Variants in PIK3C2G observed in about 807,000 individuals in gnomAD.
PIK3C2G encodes phosphatidylinositol-4-phosphate 3-kinase catalytic subunit type 2 gamma.
A neutral mutation model predicts 181.1 loss-of-function variants in PIK3C2G; 168 were observed. That is an observed-to-expected ratio of 0.93 (90% confidence interval 0.82 to 1.05). The LOEUF (loss-of-function observed/expected upper bound fraction) is 1.05, where lower values mean the gene tolerates loss of function less well. Ranked by LOEUF, PIK3C2G falls within the 50% of genes least tolerant of loss-of-function variation. The pLI, the probability that PIK3C2G is intolerant of heterozygous loss-of-function variation, is 0.00. For missense variants in PIK3C2G, 1,869 were observed against 1,732.8 expected (o/e 1.08, Z -1.40); for synonymous variants, 573 against 592.2 (o/e 0.97, Z 0.47).
chr12:18,640,870 G>T (rs1283865527), intron 32 of PIK3C2G, among the ~76,000 whole-genome samples: 3 of 151,872 alleles, frequency 2.0e-5, no homozygotes, highest in Non-Finnish European at 4.4e-5. Flanking sequence ...TCCTTTACCT[G>T]ATTTTCCTTA....
At chr12:18,655,474 G>T in the PIK3C2G span, among the ~76,000 whole-genome samples, 9 of 152,166 alleles carry the variant, frequency 5.9e-5, no homozygotes, top group African/African-American at 2.2e-4. Flanking sequence ...TTATGGAGAT[G>T]TTGCACCTGA....
chr12:18,578,870 A>G (rs773015602), intron 29 of PIK3C2G, among the ~76,000 whole-genome samples: 21 of 152,070 alleles, frequency 1.4e-4, no homozygotes, highest in Non-Finnish European at 2.8e-4. Context: ...AATCTATACT[A>G]TTTATGCTGA....
At chr12:18,544,188 T>C (rs1385634192) in intron 25 of PIK3C2G, among the ~76,000 whole-genome samples, 1 of 151,694 alleles carries the variant, frequency 6.6e-6, no homozygotes, top group Admixed American at 6.6e-5. Context: ...GGGCATGATG[T>C]GTAGTAAATG....
intron 1 of PIK3C2G, among the ~76,000 whole-genome samples, chr12:18,251,463 A>G (rs17473510): frequency 0.084 from 12,813 of 152,056 alleles, 664 homozygotes; most frequent in South Asian, 0.12. Context: ...ATAACAGTAG[A>G]CAATGACTAG....
At chr12:18,544,895 A>G (rs973938533) in intron 25 of PIK3C2G, among the ~76,000 whole-genome samples, 4 of 151,758 alleles carry the variant, frequency 2.6e-5, no homozygotes, top group Non-Finnish European at 5.9e-5. Context: ...AGTTTTCTCA[A>G]TTCTACTTCC....
intron 32 of PIK3C2G, among the ~76,000 whole-genome samples, chr12:18,642,401 G>A (rs1949887498): frequency 6.6e-6 from 1 of 152,068 alleles, no homozygotes; most frequent in Non-Finnish European, 1.5e-5. Context: ...TTGCACGTTT[G>A]TCAAAAATCA....
At chr12:18,276,659 T>A (rs1282015126) in intron 1 of PIK3C2G, among the ~76,000 whole-genome samples, 1 of 152,202 alleles carries the variant, frequency 6.6e-6, no homozygotes, top group Non-Finnish European at 1.5e-5. Flanking sequence ...TATATTGTAC[T>A]GTAATATAAA....
At chr12:18,595,275 A>G (rs1592673621) in intron 30 of PIK3C2G, among the ~76,000 whole-genome samples, 1 of 152,102 alleles carries the variant, frequency 6.6e-6, no homozygotes, top group South Asian at 2.1e-4. Context: ...AAGAAGCACA[A>G]TATTTATTTT....
At chr12:18,725,791 G>GT in the PIK3C2G span, among the ~76,000 whole-genome samples, 1 of 151,940 alleles carries the variant, frequency 6.6e-6, no homozygotes, top group African/African-American at 2.4e-5. Context: ...TTGTTTGTTT[G>GT]TTTTTCTTTC....
At chr12:18,411,839 T>C (rs1047278016) in intron 16 of PIK3C2G, among the ~76,000 whole-genome samples, 3 of 152,204 alleles carry the variant, frequency 2.0e-5, no homozygotes, top group Non-Finnish European at 4.4e-5. Flanking sequence ...TTGACATTTG[T>C]TACATCGCAT....
At chr12:18,672,659 G>A in the PIK3C2G span, among the ~76,000 whole-genome samples, 4 of 152,224 alleles carry the variant, frequency 2.6e-5, no homozygotes, top group Non-Finnish European at 5.9e-5. Flanking sequence ...TTATTGACCA[G>A]AACCCAGAAG....
chr12:18,547,284 G>T (rs1944483670), intron 26 of PIK3C2G, among the ~76,000 whole-genome samples: 1 of 151,924 alleles, frequency 6.6e-6, no homozygotes, highest in African/African-American at 2.4e-5. Flanking sequence ...TATACAGCAA[G>T]AAATTGCTTC....
the PIK3C2G span, chr12:18,694,872 A>C: frequency 6.8e-7 from 1 of 1,477,808 alleles, no homozygotes; most frequent in Non-Finnish European, 9.3e-7. Context: ...AGTTTATATA[A>C]TAACCAAAAA....
chr12:18,250,311 G>A (rs1260463166), intron 1 of PIK3C2G, among the ~76,000 whole-genome samples: 2 of 151,836 alleles, frequency 1.3e-5, no homozygotes, highest in Admixed American at 6.6e-5. Flanking sequence ...CCAGTATAGC[G>A]GTCGAAAAAC....
At chr12:18,698,396 CA>C in the PIK3C2G span, among the ~76,000 whole-genome samples, 4 of 151,894 alleles carry the variant, frequency 2.6e-5, no homozygotes, top group African/African-American at 9.7e-5. Context: ...GGTTACAACA[CA>C]CAGGTTAAAA....
intron 13 of PIK3C2G, among the ~76,000 whole-genome samples, chr12:18,376,051 G>A (rs561013742): frequency 2.0e-5 from 3 of 152,332 alleles, no homozygotes; most frequent in Non-Finnish European, 2.9e-5. Flanking sequence ...CCCTCACAGA[G>A]AACCTCTAAT....
chr12:18,289,425 T>C (rs2137181564), intron 3 of PIK3C2G, among the ~76,000 whole-genome samples: 1 of 152,298 alleles, frequency 6.6e-6, no homozygotes, highest in South Asian at 2.1e-4. Context: ...GAAGCTGAAA[T>C]CATGGACGCA....
rs1373065991 is a variant in PIK3C2G, at chr12:18,505,415, T to C, written c.3277T>C (p.Phe1093Leu). The part of the protein sequence containing the change: ...TKSGHMFHID[F>L]GKFLGHAQTF... ...GTCGGGCCACATGTTTCATATTGAC[T>C]TTGGAAAATTCTTAGGTCATGCACA... The change falls in exon 24 of 33, where the codon TTT (phenylalanine) becomes CTT (leucine). Residue 1093 changes from phenylalanine (F) to leucine (L), a missense_variant. By Grantham distance (22) the Phe-to-Leu change is conservative. Transcript: ENST00000538779. 2 of 1,613,508 alleles carry C rather than the reference T, an allele frequency of 1.2e-6. No individual in the cohort carries two copies. The highest frequency in any genetic ancestry group is 1.1e-5 in the South Asian group (1 of 90,938).
upstream of PIK3C2G, chr12:18,247,494 T>A (rs892069676): frequency 9.2e-5 from 14 of 152,196 alleles, no homozygotes; most frequent in Admixed American, 9.2e-4. Flanking sequence ...GAGAGAGGTG[T>A]TTCCTAGCGA....
Sources: gnomAD v4.1 joint callset for allele counts (sites outside exome capture counted in the v4.1 genomes callset) on GRCh38, gnomAD v4.1.1 for gene constraint, MANE v1.5 for transcripts, NCBI Gene and HGNC (gene_info 2026-07-23, HGNC 2026-07-21) for gene names.